Variants in PIEZO2 observed in about 807,000 individuals in gnomAD.
The protein encoded by PIEZO2 is piezo type mechanosensitive ion channel component 2.
PIEZO2 carries 172 observed loss-of-function variants against 337.3 expected under a neutral mutation model. That is an observed-to-expected ratio of 0.51 (90% CI 0.45 to 0.58). PIEZO2 has a LOEUF of 0.58. Ranked by LOEUF, PIEZO2 falls within the 20% of genes least tolerant of loss-of-function variation. The pLI is 0.00. For missense variants in PIEZO2, 3,028 were observed against 3,391.3 expected (o/e 0.89, Z 2.66); for synonymous variants, 1,251 against 1,228.5 (o/e 1.02, Z -0.38).
At chr18:10,843,741 C>T (rs1376274028) in intron 7 of PIEZO2, among the ~76,000 whole-genome samples, 2 of 152,178 alleles carry the variant, frequency 1.3e-5, no homozygotes, top group African/African-American at 2.4e-5. Context: ...TTTCCGACCT[C>T]GAGTTGCCAG....
In PIEZO2 at chr18:10,859,634, C is replaced by A. The variant is rs149966174; in HGVS notation, c.493-2423G>T. On this transcript the variant is annotated intron_variant, in intron 5 of 55. Transcript: ENST00000674853. This position sits in a 1 kb window ranked among gnomAD's most constrained non-coding sequence, Gnocchi z 4.9. ...CCTTAAAGAAACACATCCTTTCAAC[C>A]CACGTTTGTCTCTTAAGGTGAAACA... is the stretch of plus-strand genomic sequence containing the variant. Among the ~76,000 whole-genome samples, 422 of 152,348 alleles carry A rather than the reference C, an allele frequency of 2.8e-3. 1 individual carries two copies. The highest frequency in any genetic ancestry group is 9.5e-3 in the African/African-American group (396 of 41,588).
In PIEZO2 at chr18:10,758,259, C is replaced by T. The variant is rs2037969475; in HGVS notation, c.3758-125G>A. ...CTAAGTGAGTTGTGTTCCCAAAGTT[C>T]ATAGTAAAATTCATCCTGGAGTCCA... is the stretch of plus-strand genomic sequence containing the variant. On this transcript the variant is annotated intron_variant, in intron 26 of 55. Transcript: ENST00000674853. 2.6e-6 allele frequency: 3 copies of T among 1,152,084 alleles called. No homozygotes were observed. In the East Asian group the frequency reaches 7.7e-5, roughly 30 times the overall value. 71.4% of individuals were successfully genotyped at this position (1,152,084 alleles called of 1,614,324 possible).
chr18:10,681,681 G>C lies in PIEZO2; in HGVS notation c.7759C>G (p.Gln2587Glu). The C allele has an allele frequency of 6.2e-7, 1 of 1,604,020 alleles. No homozygotes were observed. The highest frequency in any genetic ancestry group is 8.5e-7 in the Non-Finnish European group (1 of 1,170,910). ...MDQQSFNKFI[Q>E]AFSRDTGAMQ... ...CTTACGGTGTCCCTAGAAAAAGCTTGTATAAATTTGTTAAAGCTCTGCTGG... is the reference window on the plus strand; with the variant it reads ...CTTACGGTGTCCCTAGAAAAAGCTTCTATAAATTTGTTAAAGCTCTGCTGG... Residue 2587 changes from glutamine to glutamate, a missense_variant, in exon 51 of 56, where the codon CAA (glutamine) becomes GAA (glutamate). By Grantham distance (29) the Gln-to-Glu change is conservative. Coordinates refer to ENST00000674853, the MANE Select transcript of PIEZO2 (RefSeq NM_001378183.1).
At chr18:10,675,064 A>C (rs1324730531) in intron 54 of PIEZO2, 145 bp downstream of exon 54, 1 of 505,252 alleles carries the variant, frequency 2.0e-6, no homozygotes, top group East Asian at 3.6e-5. Flanking sequence ...GGGCTAGTGA[A>C]GGCTGTCAGG....
chr18:11,060,031 A>G (rs1430324560), intron 2 of PIEZO2, among the ~76,000 whole-genome samples: 1 of 152,206 alleles, frequency 6.6e-6, no homozygotes, highest in Admixed American at 6.5e-5. Flanking sequence ...AGCAAATGTA[A>G]AAGAACAGAA....
chr18:10,850,246 C>T lies in PIEZO2; in HGVS notation c.917+5107G>A, dbSNP rs1297484505. 1.3e-5 allele frequency among the ~76,000 whole-genome samples: 2 copies of T among 152,080 alleles called. No homozygotes were observed. The highest frequency in any genetic ancestry group is 2.9e-5 in the Non-Finnish European group (2 of 68,028). On this transcript the variant is annotated intron_variant, in intron 7 of 55. Transcript: ENST00000674853. The surrounding 1 kb of genome is among the most constrained non-coding windows in gnomAD (Gnocchi z 4.5). ...GAAGGAAGCACGTGATTTTTTGGGACCATGGGGTGAAAAGAAGGGATTACT... is the reference window on the plus strand; with the variant it reads ...GAAGGAAGCACGTGATTTTTTGGGATCATGGGGTGAAAAGAAGGGATTACT...
chr18:11,120,992 C>T (rs979523677), intron 1 of PIEZO2, among the ~76,000 whole-genome samples: 1 of 152,176 alleles, frequency 6.6e-6, no homozygotes, highest in Non-Finnish European at 1.5e-5. Context: ...GTGGCTCACG[C>T]CTAAAATCCC....
chr18:10,846,952 AGT>A lies in PIEZO2; in HGVS notation c.917+8399_917+8400del, dbSNP rs1373133469. ...TTTGATGACTACAACAATAAAAATC[AGT>A]AGCACTTGATATGCTCTCTCCTGCT... On this transcript the variant is annotated intron_variant, in intron 7 of 55. Coordinates refer to ENST00000674853, the MANE Select transcript of PIEZO2 (RefSeq NM_001378183.1). This position sits in a 1 kb window ranked among gnomAD's most constrained non-coding sequence, Gnocchi z 4.1. 2.6e-5 allele frequency among the ~76,000 whole-genome samples: 4 copies of A among 152,234 alleles called. No individual in the cohort carries two copies. The highest frequency in any genetic ancestry group is 9.6e-5 in the African/African-American group (4 of 41,454).
intron 2 of PIEZO2, among the ~76,000 whole-genome samples, chr18:11,013,839 G>A (rs112317198): frequency 1.6e-3 from 241 of 152,282 alleles, no homozygotes; most frequent in African/African-American, 5.5e-3. Context: ...GAGCTGGAGT[G>A]GTGCCCGAAG....
chr18:11,055,496 A>T (rs2037697765), intron 2 of PIEZO2, among the ~76,000 whole-genome samples: 2 of 152,190 alleles, frequency 1.3e-5, no homozygotes, highest in African/African-American at 4.8e-5. Flanking sequence ...ATAAACCTGA[A>T]TTCTGGGAGG....
chr18:11,044,435 C>T (rs1030420451), intron 2 of PIEZO2, among the ~76,000 whole-genome samples: 1 of 152,196 alleles, frequency 6.6e-6, no homozygotes, highest in South Asian at 2.1e-4. Context: ...AAGTTCCAGG[C>T]CTTCTAAAAA....
chr18:11,143,765 T>C lies in PIEZO2; in HGVS notation c.64+4760A>G, dbSNP rs764414221. On this transcript the variant is annotated intron_variant, in intron 1 of 55. Transcript: ENST00000674853. This position sits in a 1 kb window ranked among gnomAD's most constrained non-coding sequence, Gnocchi z 4.9. ...CTCAGATCAGCCTTCTCCTGGCCCATGCTCTTACCTCCTAGTCTGTTAATT... is the reference window on the plus strand; with the variant it reads ...CTCAGATCAGCCTTCTCCTGGCCCACGCTCTTACCTCCTAGTCTGTTAATT... Among the ~76,000 whole-genome samples the C allele has an allele frequency of 2.0e-5, 3 of 151,274 alleles. No individual in the cohort carries two copies. The highest frequency in any genetic ancestry group is 6.6e-5 in the Admixed American group (1 of 15,162).
intron 3 of PIEZO2, among the ~76,000 whole-genome samples, chr18:10,936,474 C>A (rs1177929732): frequency 2.6e-5 from 4 of 152,090 alleles, no homozygotes; most frequent in Non-Finnish European, 5.9e-5. Flanking sequence ...GGCTTTGCAA[C>A]AACCAGCCTG....
At chr18:10,983,262 T>C (rs1206009610) in intron 2 of PIEZO2, among the ~76,000 whole-genome samples, 3 of 152,118 alleles carry the variant, frequency 2.0e-5, no homozygotes, top group Non-Finnish European at 2.9e-5. Flanking sequence ...CCCATGGACA[T>C]GAATATTTTT....
intron 2 of PIEZO2, among the ~76,000 whole-genome samples, chr18:11,043,941 A>G (rs2037210688): frequency 6.6e-6 from 1 of 152,014 alleles, no homozygotes; most frequent in Non-Finnish European, 1.5e-5. Context: ...CCAAAAGTGC[A>G]GGGATTACAG....
In PIEZO2 at chr18:11,146,586, C is replaced by T. The variant is rs2040817782; in HGVS notation, c.64+1939G>A. 6.6e-6 allele frequency among the ~76,000 whole-genome samples: 1 copy of T among 152,210 alleles called. No individual in the cohort carries two copies. The highest frequency in any genetic ancestry group is 6.5e-5 in the Admixed American group (1 of 15,284). On this transcript the variant is annotated intron_variant, in intron 1 of 55. Transcript: ENST00000674853. The surrounding 1 kb of genome is among the most constrained non-coding windows in gnomAD (Gnocchi z 6.1). Reference sequence around the variant, plus strand: ...AGGAGTTTTTAGCATAGGCCACCAACCTTTAGTAGGACTGACAGGCCCCAA... The same window carrying T: ...AGGAGTTTTTAGCATAGGCCACCAATCTTTAGTAGGACTGACAGGCCCCAA...
At chr18:10,886,323 C>CATACATAT (rs1568164981) in intron 4 of PIEZO2, among the ~76,000 whole-genome samples, 9 of 26,374 alleles carry the variant, frequency 3.4e-4, no homozygotes, top group African/African-American at 2.5e-3. Flanking sequence ...CCTATACATA[C>CATACATAT]ATATATATAT....
At chr18:11,006,579 CT>C (rs1333069643) in intron 2 of PIEZO2, among the ~76,000 whole-genome samples, 1 of 152,168 alleles carries the variant, frequency 6.6e-6, no homozygotes, top group African/African-American at 2.4e-5. Flanking sequence ...GGTCTATTAG[CT>C]TTCCATTTAC....
At chr18:11,045,680 A>T (rs2037287621) in intron 2 of PIEZO2, among the ~76,000 whole-genome samples, 1 of 152,234 alleles carries the variant, frequency 6.6e-6, no homozygotes, top group Admixed American at 6.5e-5. Context: ...CCCAAGAATG[A>T]CCCTGAAAGC....
Sources: allele counts gnomAD v4.1 joint callset (sites outside exome capture counted in the v4.1 genomes callset), GRCh38; gene constraint gnomAD v4.1.1; non-coding constraint Gnocchi (gnomAD v3.1); transcripts MANE v1.5; gene names NCBI Gene and HGNC (gene_info 2026-07-23, HGNC 2026-07-21).